Variants in PSPC1 observed in about 807,000 individuals in gnomAD.
PSPC1 encodes paraspeckle component 1.
Under a neutral mutation model 51.6 loss-of-function variants are expected in PSPC1, and 14 were observed. The observed-to-expected ratio is 0.27, with a 90% CI of 0.18 to 0.42. The LOEUF is 0.42. Ranked by LOEUF, PSPC1 falls within the 10% of genes least tolerant of loss-of-function variation. The probability of loss-of-function intolerance (pLI) is 1.00; values close to 1 mark genes in which losing one functional copy is unlikely to be tolerated. For missense variants in PSPC1, 406 were observed against 701.1 expected (o/e 0.58, Z 4.75); for synonymous variants, 193 against 231.9 (o/e 0.83, Z 1.53).
At chr13:19,779,947 CGGG>C in intron 1 of PSPC1, among the ~76,000 whole-genome samples, 1 of 136,100 alleles carries the variant, frequency 7.3e-6, no homozygotes, top group African/African-American at 2.8e-5. Context: ...CCGCCCCGTC[CGGG>C]AGGGAGGTGG....
intron 2 of PSPC1, among the ~76,000 whole-genome samples, chr13:19,768,474 G>A (rs1313084401): frequency 1.3e-5 from 2 of 149,682 alleles, no homozygotes; most frequent in Non-Finnish European, 1.5e-5. Context: ...GTGAAACCCT[G>A]TCTCTACTAA....
In PSPC1 at chr13:19,782,631, C is replaced by A. The variant is rs746618871; in HGVS notation, c.127G>T (p.Gly43Trp). 6.4e-7 allele frequency: 1 copy of A among 1,570,590 alleles called. No individual in the cohort carries two copies. The highest frequency in any genetic ancestry group is 1.4e-5 in the African/African-American group (1 of 70,756). The change falls in exon 1 of 9, where the codon GGG becomes TGG. Residue 43 changes from glycine (G) to tryptophan (W), a missense_variant. Gly to Trp is a radical substitution (Grantham distance 184). Transcript: ENST00000338910. The surrounding 1 kb of genome is among the most constrained non-coding windows in gnomAD (Gnocchi z 4.5). ...AAAAMALALA[G>W]EPAPPAPAPP... ...GCGGGCGCGGGCGGTGCCGGCTCCC[C>A]GGCAAGAGCGAGCGCCATGGCTGCC...
At position 19,717,753 on chromosome 13, in the gene PSPC1, CCT is replaced by C. The variant is rs1485572851; in HGVS notation, c.1159-8156_1159-8155del. Among the ~76,000 whole-genome samples, 9 of 151,578 alleles carry C rather than the reference CCT, an allele frequency of 5.9e-5. No individual in the cohort carries two copies. In the South Asian group the frequency reaches 1.3e-3, roughly 21 times the overall value. ...AGTTAGCCGGGCATGGTGGTGCACC[CCT>C]GTATCCCAGCTACTTAGAAGGCTGA... On this transcript the variant is annotated intron_variant, in intron 6 of 8. Coordinates refer to ENST00000338910, the MANE Select transcript of PSPC1 (RefSeq NM_001354909.2).
At chr13:19,694,328 G>C (rs1254430257) in intron 6 of PSPC1, among the ~76,000 whole-genome samples, 2 of 151,742 alleles carry the variant, frequency 1.3e-5, no homozygotes, top group Non-Finnish European at 2.9e-5. Flanking sequence ...ATTCTTCTAA[G>C]ATCAGGGCCA....
intron 6 of PSPC1, among the ~76,000 whole-genome samples, chr13:19,728,985 A>T (rs1198034168): frequency 1.3e-5 from 2 of 152,216 alleles, no homozygotes; most frequent in Admixed American, 1.3e-4. Flanking sequence ...TGCGAGTCAC[A>T]AATCATTTCT....
chr13:19,734,998 AAAC>A (rs1279513305), intron 5 of PSPC1, among the ~76,000 whole-genome samples: 3 of 28,264 alleles, frequency 1.1e-4, no homozygotes, highest in Non-Finnish European at 2.5e-4. Flanking sequence ...ACAAACAAAC[AAAC>A]AAAAAAAACA....
At chr13:19,743,616 T>C (rs1482656688) in intron 4 of PSPC1, among the ~76,000 whole-genome samples, 2 of 152,120 alleles carry the variant, frequency 1.3e-5, no homozygotes, top group Non-Finnish European at 2.9e-5. Flanking sequence ...TCAGACTCAA[T>C]TGGAAAACTT....
chr13:19,774,019 A>C (rs1028903914), intron 1 of PSPC1, among the ~76,000 whole-genome samples: 1 of 152,152 alleles, frequency 6.6e-6, no homozygotes, highest in Non-Finnish European at 1.5e-5. Flanking sequence ...TCACTATTAC[A>C]TGAAGAGAAA....
intron 6 of PSPC1, chr13:19,678,782 G>A (rs1426702576): frequency 6.6e-6 from 1 of 152,098 alleles, no homozygotes; most frequent in Admixed American, 6.6e-5. Context: ...TTTGAGAGAG[G>A]GTCTCACTTT....
rs373263063 is a variant in PSPC1 at position 19,739,080 on chromosome 13, G to A, written c.1052+2485C>T. ...TCATGTAACGTATACACACAAAGTG[G>A]TTTCAGAACTACTAGCCCATATGCC... On this transcript the variant is annotated intron_variant, in intron 5 of 8. Coordinates refer to ENST00000338910, the MANE Select transcript of PSPC1 (RefSeq NM_001354909.2). Among the ~76,000 whole-genome samples the A allele has an allele frequency of 2.0e-5, 3 of 152,150 alleles. No individual in the cohort carries two copies. In the East Asian group the frequency reaches 5.8e-4, roughly 29 times the overall value.
In PSPC1 at chr13:19,714,809, C is replaced by T. The variant is rs560380616; in HGVS notation, c.1159-5210G>A. Among the ~76,000 whole-genome samples the T allele has an allele frequency of 7.2e-5, 11 of 151,960 alleles. No homozygotes were observed. In the East Asian group the frequency reaches 1.4e-3, roughly 19 times the overall value. ...CATGCCCAGCCAACCCAATTAATTT[C>T]GATGTAAGAGTACTTTTAAGTTTTA... On this transcript the variant is annotated intron_variant, in intron 6 of 8. Coordinates refer to ENST00000338910, the MANE Select transcript of PSPC1 (RefSeq NM_001354909.2).
intron 6 of PSPC1, among the ~76,000 whole-genome samples, chr13:19,728,178 T>TAA (rs756906284): frequency 3.6e-4 from 55 of 152,202 alleles, no homozygotes; most frequent in Admixed American, 1.5e-3. Flanking sequence ...CACTCTTTCT[T>TAA]TGTTACATGA....
rs549361000 is a variant in PSPC1 at position 19,751,605 on chromosome 13, G to T, written c.771-138C>A. 388 of 492,602 alleles carry T rather than the reference G, an allele frequency of 7.9e-4. 1 individual carries two copies. Among genetic ancestry groups the T allele is most frequent in the African/African-American group, 7.4e-3 (374 of 50,320 alleles). 30.5% of individuals were successfully genotyped at this position (492,602 alleles called of 1,614,324 possible). On this transcript the variant is annotated intron_variant, in intron 3 of 8. Coordinates refer to ENST00000338910, the MANE Select transcript of PSPC1 (RefSeq NM_001354909.2). ...ATGAATTACCTCGTGACAATATTGT[G>T]ATTACAGGCCTGAGTTTAAGAACTG...
intron 5 of PSPC1, among the ~76,000 whole-genome samples, chr13:19,736,509 C>T (rs189466313): frequency 8.6e-5 from 13 of 151,954 alleles, no homozygotes; most frequent in South Asian, 4.2e-4. Flanking sequence ...CAGTGAAACC[C>T]CATCTCTACT....
At chr13:19,770,884 G>A (rs1231605251) in intron 2 of PSPC1, among the ~76,000 whole-genome samples, 1 of 150,774 alleles carries the variant, frequency 6.6e-6, no homozygotes, top group Admixed American at 6.6e-5. Context: ...GCGACAGAGT[G>A]AGACTCGTCT....
Position 19,742,949 on chromosome 13 carries a change from AAAG to A in PSPC1, c.968-1303_968-1301del, listed in dbSNP as rs1885586199. On this transcript the variant is annotated intron_variant, in intron 4 of 8. Transcript: ENST00000338910. ...AAGAAGAGTGAGGAGACAATTCTTC[AAAG>A]AAGAAAGCAAAGATAAATGCTGATA... 7.9e-5 allele frequency among the ~76,000 whole-genome samples: 12 copies of A among 152,180 alleles called. 1 individual carries two copies. The South Asian group carries it at 1.0e-3, about 13-fold the overall frequency.
chr13:19,756,374 A>G (rs1302096000), intron 3 of PSPC1, among the ~76,000 whole-genome samples: 1 of 152,134 alleles, frequency 6.6e-6, no homozygotes, highest in Non-Finnish European at 1.5e-5. Context: ...TCAAGACGCC[A>G]AGAACTTGGA....
chr13:19,733,892 G>T (rs1332682713), intron 5 of PSPC1, among the ~76,000 whole-genome samples: 1 of 151,998 alleles, frequency 6.6e-6, no homozygotes, highest in African/African-American at 2.4e-5. Flanking sequence ...AGGTGAGACT[G>T]CGGGGAGCCG....
chr13:19,775,845 T>G (rs1468079132), intron 1 of PSPC1, among the ~76,000 whole-genome samples: 1 of 151,964 alleles, frequency 6.6e-6, no homozygotes, highest in Admixed American at 6.6e-5. Flanking sequence ...GGTCAGGAGA[T>G]TGAGACCATC....
Sources: allele counts gnomAD v4.1 joint callset (sites outside exome capture counted in the v4.1 genomes callset), GRCh38; gene constraint gnomAD v4.1.1; non-coding constraint Gnocchi (gnomAD v3.1); transcripts MANE v1.5; gene names NCBI Gene and HGNC (gene_info 2026-07-23, HGNC 2026-07-21).